TAFA2: variants seen among roughly 807,000 people sequenced by gnomAD.
TAFA2 encodes chemokine-like protein TAFA-2.
TAFA2 carries 7 observed loss-of-function variants against 18.8 expected under a neutral mutation model. The observed-to-expected ratio is 0.37, with a 90% confidence interval of 0.21 to 0.70. TAFA2 has a LOEUF of 0.70. Among genes scored for constraint, TAFA2 ranks in the 30% least tolerant of loss-of-function variants. The pLI, the probability that TAFA2 is intolerant of heterozygous loss-of-function variation, is 0.53. For synonymous variants in TAFA2, 60 were observed against 54.2 expected (o/e 1.11, Z -0.47); for missense variants, 122 against 158.1 (o/e 0.77, Z 1.23).
chr12:62,210,584 T>G (rs997950469), intron 1 of TAFA2, among the ~76,000 whole-genome samples: 1 of 152,238 alleles, frequency 6.6e-6, no homozygotes, highest in African/African-American at 2.4e-5. Context: ...ACATGTTGTC[T>G]GTTTTATAGC....
Position 62,239,506 on chromosome 12 carries a change from C to T in TAFA2, c.-130+19257G>A, listed in dbSNP as rs561529882. Reference sequence around the variant, plus strand: ...AGCTCCTCTTTTTAGTTTTGGTGGACAATTGTGACTAGTTCAATCAAAAGA... The same window carrying T: ...AGCTCCTCTTTTTAGTTTTGGTGGATAATTGTGACTAGTTCAATCAAAAGA... On this transcript the variant is annotated intron_variant, in intron 1 of 5. Coordinates refer to the TAFA2 transcript ENST00000551619. Among the ~76,000 whole-genome samples, 13 of 152,232 alleles carry T rather than the reference C, an allele frequency of 8.5e-5. No homozygotes were observed. In the South Asian group the frequency reaches 1.9e-3, roughly 22 times the overall value.
At chr12:62,097,302 C>T (rs1039654278) in intron 1 of TAFA2, among the ~76,000 whole-genome samples, 1 of 152,012 alleles carries the variant, frequency 6.6e-6, no homozygotes, top group Non-Finnish European at 1.5e-5. Flanking sequence ...TTCCTGAAGG[C>T]ATTTCTGAGG....
chr12:62,230,764 A>G (rs1381694016), intron 1 of TAFA2, among the ~76,000 whole-genome samples: 1 of 152,034 alleles, frequency 6.6e-6, no homozygotes, highest in Non-Finnish European at 1.5e-5. Flanking sequence ...TGTAACTTCA[A>G]CCTCTAGGGC....
intron 1 of TAFA2, among the ~76,000 whole-genome samples, chr12:61,903,646 A>G (rs1002526428): frequency 6.6e-6 from 1 of 152,110 alleles, no homozygotes; most frequent in Admixed American, 6.5e-5. Flanking sequence ...AAACAAGGCC[A>G]TGTTTTTGTT....
intron 1 of TAFA2, among the ~76,000 whole-genome samples, chr12:61,910,537 G>C (rs997131670): frequency 6.6e-6 from 1 of 152,112 alleles, no homozygotes; most frequent in Non-Finnish European, 1.5e-5. Context: ...TAATCAACAA[G>C]CACCTACTGG....
intron 1 of TAFA2, among the ~76,000 whole-genome samples, chr12:62,043,003 G>C (rs992607507): frequency 3.9e-5 from 6 of 152,022 alleles, no homozygotes; most frequent in Admixed American, 2.0e-4. Flanking sequence ...TCAATAAAAG[G>C]GGGATAGAGA....
At chr12:61,940,250 G>A (rs573922833) in intron 1 of TAFA2, among the ~76,000 whole-genome samples, 1 of 152,298 alleles carries the variant, frequency 6.6e-6, no homozygotes, top group South Asian at 2.1e-4. Context: ...CCCAGTGCTT[G>A]GTTTAATGCC....
At chr12:61,947,872 A>G (rs972407477) in intron 1 of TAFA2, among the ~76,000 whole-genome samples, 12 of 152,152 alleles carry the variant, frequency 7.9e-5, no homozygotes, top group African/African-American at 2.9e-4. Context: ...GTAAGCCTCA[A>G]AACAACTTGT....
intron 4 of TAFA2, among the ~76,000 whole-genome samples, chr12:61,727,489 T>C (rs146817724): frequency 1.3e-3 from 203 of 152,128 alleles, no homozygotes; most frequent in African/African-American, 4.6e-3. Flanking sequence ...CCTCTAGGTC[T>C]TCTAGTTTCT....
intron 1 of TAFA2, among the ~76,000 whole-genome samples, chr12:62,121,611 T>C (rs192651588): frequency 4.6e-5 from 7 of 152,324 alleles, no homozygotes; most frequent in Non-Finnish European, 1.0e-4. Flanking sequence ...TCTCAAGATA[T>C]TCTGTAGTAA....
intron 2 of TAFA2, among the ~76,000 whole-genome samples, chr12:61,845,737 A>C (rs1199476664): frequency 6.6e-6 from 1 of 152,114 alleles, no homozygotes; most frequent in African/African-American, 2.4e-5. Context: ...ATGTTCCCCA[A>C]TGTGTCTAGA....
chr12:62,041,348 G>A (rs373644582), intron 1 of TAFA2, among the ~76,000 whole-genome samples: 1 of 152,074 alleles, frequency 6.6e-6, no homozygotes, highest in Non-Finnish European at 1.5e-5. Flanking sequence ...TCTTTGCATG[G>A]CACTATAACT....
intron 1 of TAFA2, among the ~76,000 whole-genome samples, chr12:62,172,568 G>A: frequency 6.6e-6 from 1 of 152,156 alleles, no homozygotes; most frequent in Non-Finnish European, 1.5e-5. Context: ...TTGATTCAGA[G>A]GAGTTTTTCT....
intron 2 of TAFA2, among the ~76,000 whole-genome samples, chr12:61,833,370 G>A (rs1356920855): frequency 6.6e-6 from 1 of 151,724 alleles, no homozygotes; most frequent in Non-Finnish European, 1.5e-5. Context: ...AGTCAGTAGA[G>A]TCAACTAACA....
chr12:62,194,815 A>G (rs1262362772), upstream of TAFA2, among the ~76,000 whole-genome samples: 1 of 152,246 alleles, frequency 6.6e-6, no homozygotes, highest in African/African-American at 2.4e-5. Context: ...AAATATTGCA[A>G]TAAAGTGAGT....
chr12:62,123,463 A>G (rs902959643), intron 1 of TAFA2, among the ~76,000 whole-genome samples: 8 of 152,090 alleles, frequency 5.3e-5, no homozygotes, highest in African/African-American at 1.4e-4. Flanking sequence ...ATGGAAATGT[A>G]TAAGAATTCA....
chr12:61,835,884 G>A lies in TAFA2; in HGVS notation c.106+31436C>T, dbSNP rs1429553659. ...ACCCTGGAAATACAGCCATGGATAA[G>A]AGACAGCACCCACACTTAAGCAGCC... On this transcript the variant is annotated intron_variant, in intron 2 of 4. Transcript: ENST00000416284. 3.3e-5 allele frequency among the ~76,000 whole-genome samples: 5 copies of A among 151,880 alleles called. No individual in the cohort carries two copies. The East Asian group carries it at 9.7e-4, about 29-fold the overall frequency.
chr12:61,999,480 T>G (rs186891831), intron 1 of TAFA2, among the ~76,000 whole-genome samples: 1 of 152,178 alleles, frequency 6.6e-6, no homozygotes, highest in East Asian at 1.9e-4. Flanking sequence ...TGGATACGGC[T>G]TCCTAAAATT....
chr12:62,184,866 G>A (rs1431020542), intron 1 of TAFA2, among the ~76,000 whole-genome samples: 3 of 152,010 alleles, frequency 2.0e-5, no homozygotes, highest in Non-Finnish European at 4.4e-5. Context: ...AGAAACTGAG[G>A]CACAGAGAAA....
Sources: allele counts gnomAD v4.1 joint callset (sites outside exome capture counted in the v4.1 genomes callset), GRCh38; gene constraint gnomAD v4.1.1; transcripts MANE v1.5; gene names NCBI Gene and HGNC (gene_info 2026-07-23, HGNC 2026-07-21).